Variants in DRC4 observed in about 807,000 individuals in gnomAD.
DRC4 encodes the protein dynein regulatory complex subunit 4.
At chr16:90,034,012 G>A in the DRC4 span, among the ~76,000 whole-genome samples, 3 of 152,062 alleles carry the variant, frequency 2.0e-5, no homozygotes, top group Non-Finnish European at 2.9e-5. Context: ...GTCAGAGCTC[G>A]TCCGCCTCGA....
At chr16:90,037,876 T>C in the DRC4 span, 2 of 1,600,440 alleles carry the variant, frequency 1.2e-6, no homozygotes, top group Non-Finnish European at 1.7e-6. Context: ...GGCCCTGCAG[T>C]TGGCGGTGGG....
the DRC4 span, chr16:90,037,852 A>G: frequency 6.2e-7 from 1 of 1,613,324 alleles, no homozygotes; most frequent in Non-Finnish European, 8.5e-7. Context: ...CACCAAGGTG[A>G]GTGGCACCAC....
chr16:90,031,765 G>A, the DRC4 span, among the ~76,000 whole-genome samples: 1 of 152,168 alleles, frequency 6.6e-6, no homozygotes, highest in Admixed American at 6.5e-5. Flanking sequence ...ATGAGCTGGG[G>A]ATGCACCTCA....
the DRC4 span, among the ~76,000 whole-genome samples, chr16:90,028,739 T>C: frequency 3.3e-5 from 5 of 152,324 alleles, no homozygotes; most frequent in South Asian, 6.2e-4. Flanking sequence ...TCTGCCCTCA[T>C]GGACGACTGC....
the DRC4 span, among the ~76,000 whole-genome samples, chr16:90,025,099 C>G: frequency 6.6e-6 from 1 of 150,594 alleles, no homozygotes; most frequent in Admixed American, 6.6e-5. Flanking sequence ...TCACTGCAAC[C>G]TCTGCCACCT....
the DRC4 span, chr16:90,043,706 C>T: frequency 6.1e-6 from 3 of 495,134 alleles, no homozygotes; most frequent in Admixed American, 2.3e-5. Context: ...GTTGTCCCAC[C>T]GAATGGACAG....
chr16:90,032,794 T>C, the DRC4 span: 1 of 1,613,956 alleles, frequency 6.2e-7, no homozygotes, highest in Non-Finnish European at 8.5e-7. Context: ...GAGGGCACTG[T>C]AGTCATGAAG....
chr16:90,021,712 T>TA, the DRC4 span, among the ~76,000 whole-genome samples: 416 of 146,912 alleles, frequency 2.8e-3, 1 homozygote, highest in Middle Eastern at 6.9e-3. Context: ...ATTAAAAACT[T>TA]AAAAAAAAAA....
At chr16:90,037,243 G>A in the DRC4 span, 8 of 1,610,930 alleles carry the variant, frequency 5.0e-6, no homozygotes, top group East Asian at 1.3e-4. Flanking sequence ...AGCAGATGGA[G>A]GACATGCGGA....
the DRC4 span, among the ~76,000 whole-genome samples, chr16:90,030,652 T>G: frequency 0.013 from 1,969 of 152,194 alleles, 36 homozygotes; most frequent in Admixed American, 0.019. Context: ...ATTCTCACTC[T>G]GTCACCCAGG....
the DRC4 span, among the ~76,000 whole-genome samples, chr16:90,028,390 G>A: frequency 2.2e-3 from 335 of 150,910 alleles, 1 homozygote; most frequent in African/African-American, 7.0e-3. Flanking sequence ...GGGTTTCACC[G>A]TGTTAGCCAG....
chr16:90,029,266 T>A, the DRC4 span: 1 of 1,365,702 alleles, frequency 7.3e-7, no homozygotes, highest in Non-Finnish European at 9.8e-7. Context: ...CTCAGAAGGC[T>A]TCTTCAGGGT....
the DRC4 span, chr16:90,027,789 G>T: frequency 7.1e-7 from 1 of 1,417,546 alleles, no homozygotes; most frequent in Non-Finnish European, 1.0e-6. Flanking sequence ...GGGTGCCTAC[G>T]CCGAGTGTCC....
the DRC4 span, chr16:90,035,869 C>T: frequency 6.1e-6 from 9 of 1,485,422 alleles, no homozygotes; most frequent in African/African-American, 7.0e-5. Flanking sequence ...CCCAGAACAA[C>T]CTATTTCCAT....
chr16:90,036,075 C>T, the DRC4 span: 1 of 644,652 alleles, frequency 1.6e-6, no homozygotes. Flanking sequence ...GCTGGGTGGC[C>T]ACACAGGCCT....
chr16:90,040,303 C>G, the DRC4 span: 1 of 1,579,988 alleles, frequency 6.3e-7, no homozygotes, highest in South Asian at 1.2e-5. Context: ...CCTACAGGTG[C>G]AGCAGGAGCG....
the DRC4 span, chr16:90,043,715 A>T: frequency 6.1e-6 from 3 of 488,758 alleles, no homozygotes; most frequent in Non-Finnish European, 1.3e-5. Context: ...CCGAATGGAC[A>T]GCTTTGCAGG....
chr16:90,040,332 G>C, the DRC4 span: 2 of 1,599,908 alleles, frequency 1.3e-6, no homozygotes, highest in Non-Finnish European at 1.7e-6. Context: ...TCTATCGGAA[G>C]TTCACCGCAG....
the DRC4 span, among the ~76,000 whole-genome samples, chr16:90,034,687 G>A: frequency 6.6e-6 from 1 of 151,516 alleles, no homozygotes; most frequent in Admixed American, 6.6e-5. Flanking sequence ...AATATATAAT[G>A]TTTATTTAAA....
Sources: gnomAD v4.1 joint callset for allele counts (sites outside exome capture counted in the v4.1 genomes callset) on GRCh38, gnomAD v4.1.1 for gene constraint, MANE v1.5 for transcripts, NCBI Gene and HGNC (gene_info 2026-07-23, HGNC 2026-07-21) for gene names.